Variants in C12orf54 observed in about 807,000 individuals in gnomAD.
The protein encoded by C12orf54 is uncharacterized protein C12orf54.
A neutral mutation model predicts 26.4 loss-of-function variants in C12orf54; 24 were observed. The observed-to-expected ratio is 0.91, with a 90% CI of 0.66 to 1.28. The LOEUF (loss-of-function observed/expected upper bound fraction) is 1.28, where lower values mean the gene tolerates loss of function less well. Ranked by LOEUF, C12orf54 falls within the 50% of genes most tolerant of loss-of-function variation. C12orf54 has a pLI of 0.00. For synonymous variants in C12orf54, 54 were observed against 47.0 expected (o/e 1.15, Z -0.61); for missense variants, 154 against 150.9 (o/e 1.02, Z -0.11).
the C12orf54 span, among the ~76,000 whole-genome samples, chr12:48,433,302 C>G: frequency 6.6e-6 from 1 of 152,176 alleles, no homozygotes; most frequent in African/African-American, 2.4e-5. Context: ...AAAGACTGAC[C>G]TTTGCATGAT....
the C12orf54 span, among the ~76,000 whole-genome samples, chr12:48,467,359 A>G: frequency 3.7e-4 from 56 of 152,298 alleles, no homozygotes; most frequent in African/African-American, 1.2e-3. Flanking sequence ...ACTGTGAGGG[A>G]ATACATTTTT....
At position 48,483,351 on chromosome 12, in the gene C12orf54, C is replaced by G. The variant is rs1386666286; in HGVS notation, c.55C>G (p.Gln19Glu). Residue 19 changes from glutamine to glutamate, a missense_variant, in exon 2 of 9, where the codon CAG (glutamine) becomes GAG (glutamate). By Grantham distance (29) the Gln-to-Glu change is conservative. Coordinates refer to ENST00000548364, the MANE Select transcript of C12orf54 (RefSeq NM_152319.4). Reference sequence around the variant, plus strand: ...ACAAAAGGTAGAAATGACCTCCAAGCAGCAGAGAAGGTAATGGGGCTAATG... The same window carrying G: ...ACAAAAGGTAGAAATGACCTCCAAGGAGCAGAGAAGGTAATGGGGCTAATG... Reference protein sequence around the residue: ...QEQKVEMTSKQQRSTSIEETM... With the variant: ...QEQKVEMTSKEQRSTSIEETM... The G allele has an allele frequency of 6.2e-7, 1 of 1,613,730 alleles. No individual in the cohort carries two copies. Among genetic ancestry groups the G allele is most frequent in the African/African-American group, 1.3e-5 (1 of 74,870 alleles).
the C12orf54 span, among the ~76,000 whole-genome samples, chr12:48,437,835 A>C: frequency 2.6e-5 from 4 of 152,120 alleles, no homozygotes; most frequent in East Asian, 7.7e-4. Context: ...CCCTTTGAAA[A>C]CTGGCACAAG....
chr12:48,420,183 T>C, the C12orf54 span, among the ~76,000 whole-genome samples: 1 of 152,024 alleles, frequency 6.6e-6, no homozygotes, highest in Non-Finnish European at 1.5e-5. Context: ...AGCAGCTAGA[T>C]GATAATACCC....
At chr12:48,417,904 C>A in the C12orf54 span, among the ~76,000 whole-genome samples, 1 of 152,166 alleles carries the variant, frequency 6.6e-6, no homozygotes, top group Non-Finnish European at 1.5e-5. Context: ...TTACTACAAA[C>A]AACATGATCT....
chr12:48,430,528 T>C, the C12orf54 span, among the ~76,000 whole-genome samples: 1 of 151,966 alleles, frequency 6.6e-6, no homozygotes, highest in African/African-American at 2.4e-5. Context: ...GATATACAAA[T>C]GGCCAAAAAA....
the C12orf54 span, among the ~76,000 whole-genome samples, chr12:48,468,831 G>A: frequency 0.13 from 20,475 of 151,804 alleles, 2,594 homozygotes; most frequent in East Asian, 0.66. Flanking sequence ...CCTAAGTGTC[G>A]GCCTGTCTGA....
chr12:48,491,863 A>G lies in C12orf54; in HGVS notation c.193+1027A>G, dbSNP rs943778389. 3.3e-5 allele frequency among the ~76,000 whole-genome samples: 5 copies of G among 152,256 alleles called. No homozygotes were observed. The South Asian group carries it at 1.0e-3, about 32-fold the overall frequency. On this transcript the variant is annotated intron_variant, in intron 6 of 8. Transcript: ENST00000548364. ...AAATCACCTGGGTCCCTTGTTAAAAAACAGATTCTTATTCAGTAAGTCTAG... is the reference window on the plus strand; with the variant it reads ...AAATCACCTGGGTCCCTTGTTAAAAGACAGATTCTTATTCAGTAAGTCTAG...
At chr12:48,480,610 G>A (rs923669453), upstream of C12orf54, among the ~76,000 whole-genome samples, 2 of 152,156 alleles carry the variant, frequency 1.3e-5, no homozygotes, top group African/African-American at 4.8e-5. Flanking sequence ...TGCTGGTGGG[G>A]ATGCAAATTA....
the C12orf54 span, among the ~76,000 whole-genome samples, chr12:48,457,192 A>G: frequency 6.6e-6 from 1 of 151,974 alleles, no homozygotes; most frequent in Admixed American, 6.6e-5. Context: ...ATAGAGTGAG[A>G]GGTGACCGTA....
intron 7 of C12orf54, among the ~76,000 whole-genome samples, chr12:48,493,333 A>T (rs1429106656): frequency 6.6e-6 from 1 of 152,190 alleles, no homozygotes. Context: ...CAAAGAAGGA[A>T]TAAAGAATCA....
At chr12:48,446,023 C>G in the C12orf54 span, among the ~76,000 whole-genome samples, 1 of 152,128 alleles carries the variant, frequency 6.6e-6, no homozygotes, top group African/African-American at 2.4e-5. Context: ...GTAGTAGAAA[C>G]AGAGGGGAAC....
At chr12:48,469,777 C>A in the C12orf54 span, among the ~76,000 whole-genome samples, 1 of 152,228 alleles carries the variant, frequency 6.6e-6, no homozygotes, top group East Asian at 1.9e-4. Context: ...TCCATGAAAT[C>A]TTCACAATTT....
chr12:48,464,151 A>T, the C12orf54 span, among the ~76,000 whole-genome samples: 3 of 152,170 alleles, frequency 2.0e-5, no homozygotes, highest in Non-Finnish European at 4.4e-5. Context: ...TTGTTTGCAG[A>T]TGACATAATC....
chr12:48,433,886 A>G, the C12orf54 span, among the ~76,000 whole-genome samples: 1 of 152,326 alleles, frequency 6.6e-6, no homozygotes, highest in South Asian at 2.1e-4. Flanking sequence ...TACTGGGTTC[A>G]TCTCACTGAG....
chr12:48,473,856 A>G, the C12orf54 span, among the ~76,000 whole-genome samples: 59 of 152,294 alleles, frequency 3.9e-4, no homozygotes, highest in Admixed American at 3.1e-3. Context: ...TTTGATTCAC[A>G]TGCTTTTCGC....
chr12:48,483,397 G>C (rs1223027063), intron 2 of C12orf54, 36 bp downstream of exon 2: 1 of 1,598,404 alleles, frequency 6.3e-7, no homozygotes, highest in Admixed American at 1.7e-5. Flanking sequence ...AACATCCTTA[G>C]ATTGCTATAC....
the C12orf54 span, among the ~76,000 whole-genome samples, chr12:48,468,578 C>T: frequency 1.5e-5 from 2 of 136,230 alleles, no homozygotes; most frequent in Non-Finnish European, 1.7e-5. Flanking sequence ...AGATACCATG[C>T]AAACACTAAC....
At chr12:48,439,533 T>G in the C12orf54 span, among the ~76,000 whole-genome samples, 6 of 152,100 alleles carry the variant, frequency 3.9e-5, no homozygotes, top group Non-Finnish European at 8.8e-5. Flanking sequence ...ATTAAGAAAA[T>G]GTGGCACATA....
Sources: gnomAD v4.1 joint callset for allele counts (sites outside exome capture counted in the v4.1 genomes callset) on GRCh38, gnomAD v4.1.1 for gene constraint, MANE v1.5 for transcripts, NCBI Gene and HGNC (gene_info 2026-07-23, HGNC 2026-07-21) for gene names.